The following DNM2 variants were observed in gnomAD, a reference collection of about 807,000 sequenced individuals.
DNM2 encodes the protein dynamin 2, also known as dynamin-2.
DNM2 carries 15 observed loss-of-function variants against 99.0 expected under a neutral mutation model. The ratio of observed to expected loss-of-function variants is 0.15; its 90% CI spans 0.10 to 0.23. The LOEUF is 0.23. Among genes scored for constraint, DNM2 ranks in the 10% least tolerant of loss-of-function variants. DNM2 has a pLI of 1.00. For missense variants in DNM2, 742 were observed against 1,189.4 expected (o/e 0.62, Z 5.53); for synonymous variants, 525 against 481.2 (o/e 1.09, Z -1.19).
At chr19:10,809,612 A>G (rs1288589678) in intron 14 of DNM2, 1 of 152,416 alleles carries the variant, frequency 6.6e-6, no homozygotes, top group African/African-American at 2.4e-5. Context: ...AACTGAACCC[A>G]GCTCAAGGAG....
At chr19:10,786,813 C>G (rs1455457808) in intron 7 of DNM2, 107 bp downstream of exon 7, 5 of 1,560,772 alleles carry the variant, frequency 3.2e-6, no homozygotes, top group Admixed American at 1.9e-5. Flanking sequence ...CTCATTGATT[C>G]AGCAGACACT....
chr19:10,799,830 A>G (rs1394314528), intron 11 of DNM2, among the ~76,000 whole-genome samples: 2 of 151,190 alleles, frequency 1.3e-5, no homozygotes, highest in Non-Finnish European at 2.9e-5. Context: ...TACCACGCCC[A>G]GCCTGCTTTT....
intron 5 of DNM2, chr19:10,780,332 G>A (rs2071325564): frequency 6.5e-6 from 1 of 152,806 alleles, no homozygotes; most frequent in South Asian, 2.1e-4. Context: ...CCCTACTACA[G>A]CCACCCCGAC....
intron 1 of DNM2, among the ~76,000 whole-genome samples, chr19:10,752,915 C>T (rs541913116): frequency 5.9e-5 from 9 of 152,246 alleles, no homozygotes; most frequent in Admixed American, 5.9e-4. Context: ...CATTGCACTC[C>T]AGCCTGGGTG....
At chr19:10,769,806 T>A (rs2070917469) in intron 2 of DNM2, among the ~76,000 whole-genome samples, 1 of 152,168 alleles carries the variant, frequency 6.6e-6, no homozygotes, top group Non-Finnish European at 1.5e-5. Flanking sequence ...ATTGCCCTGA[T>A]CTGGGTGGCC....
intron 1 of DNM2, among the ~76,000 whole-genome samples, chr19:10,744,108 A>C (rs1290961765): frequency 1.3e-5 from 2 of 152,084 alleles, no homozygotes; most frequent in Non-Finnish European, 2.9e-5. Context: ...CAATGAGCCA[A>C]GATCCTGCCA....
At position 10,759,609 on chromosome 19, in the gene DNM2, A is replaced by G. The variant is rs1436747542; in HGVS notation, c.162-129A>G. On this transcript the variant is annotated intron_variant, in intron 1 of 20. Transcript: ENST00000389253. Reference sequence around the variant, plus strand: ...AAGACCAGAGCATTCCCCAGGGCCCAGCTGGGGTTGGTGCCTTTGCTGAGG... The same window carrying G: ...AAGACCAGAGCATTCCCCAGGGCCCGGCTGGGGTTGGTGCCTTTGCTGAGG... 3.7e-6 allele frequency: 4 copies of G among 1,072,614 alleles called. No individual in the cohort carries two copies. In the East Asian group the frequency reaches 7.1e-5, roughly 19 times the overall value. 66.4% of individuals were successfully genotyped at this position (1,072,614 alleles called of 1,614,324 possible). A position where few individuals can be genotyped will look rare whatever the true frequency, so the allele number is the denominator to read the frequency against.
At position 10,820,859 on chromosome 19, in the gene DNM2, C is replaced by A. The variant is rs907231924; in HGVS notation, c.1781+770C>A. On this transcript the variant is annotated intron_variant, in intron 16 of 20. Transcript: ENST00000389253. This position sits in a 1 kb window ranked among gnomAD's most constrained non-coding sequence, Gnocchi z 4.3. The stretch of plus-strand genomic sequence containing the variant: ...AGAGTGAAGCTGGAGAATGGGAGGC[C>A]CCAGGAAGCTCACAGTACATCTGTC... Among the ~76,000 whole-genome samples the A allele has an allele frequency of 1.1e-4, 17 of 152,200 alleles. 1 individual carries two copies. The highest frequency in any genetic ancestry group is 3.9e-4 in the African/African-American group (16 of 41,450).
chr19:10,819,677 G>A (rs1027885788), intron 15 of DNM2, among the ~76,000 whole-genome samples: 1 of 152,174 alleles, frequency 6.6e-6, no homozygotes, highest in Non-Finnish European at 1.5e-5. Flanking sequence ...TGGAGGTGGG[G>A]AGGGTGCGGG....
intron 17 of DNM2, chr19:10,824,815 A>G (rs1352753133): frequency 8.7e-6 from 5 of 573,920 alleles, no homozygotes; most frequent in African/African-American, 7.5e-5. Context: ...TCAAAAAAAA[A>G]CAAAACAAAA....
intron 1 of DNM2, among the ~76,000 whole-genome samples, chr19:10,749,217 G>A (rs2070106564): frequency 6.6e-6 from 1 of 152,188 alleles, no homozygotes; most frequent in African/African-American, 2.4e-5. Context: ...GTTTGAGCCT[G>A]CATCGTTCCT....
chr19:10,831,745 G>T lies in DNM2; in HGVS notation c.*698G>T. ...TGGGTGGTGGTGGCGGGGGGTCTTG[G>T]GGGCCTCTCAGCTCCCGCCCATGCC... On this transcript the variant is annotated 3_prime_UTR_variant, in exon 21 of 21. Coordinates refer to ENST00000389253, the MANE Select transcript of DNM2 (RefSeq NM_001005361.3). This position sits in a 1 kb window ranked among gnomAD's most constrained non-coding sequence, Gnocchi z 4.3. 3 of 986,490 alleles carry T rather than the reference G, an allele frequency of 3.0e-6. No homozygotes were observed. Among genetic ancestry groups the T allele is most frequent in the Non-Finnish European group, 3.6e-6 (3 of 830,526 alleles). The allele number at this position is 986,490 out of a possible 1,614,324, so 61.1% of individuals were successfully genotyped here.
intron 15 of DNM2, among the ~76,000 whole-genome samples, chr19:10,819,540 C>T (rs1385323627): frequency 6.6e-6 from 1 of 152,202 alleles, no homozygotes; most frequent in African/African-American, 2.4e-5. Context: ...CAACAGGAGT[C>T]CCTGCCCTGG....
intron 2 of DNM2, among the ~76,000 whole-genome samples, chr19:10,769,105 T>G (rs1243786066): frequency 1.3e-5 from 2 of 152,300 alleles, no homozygotes; most frequent in East Asian, 3.9e-4. Context: ...ACATCATTCC[T>G]TGGGGACTTC....
chr19:10,831,784 G>T lies in DNM2; in HGVS notation c.*737G>T, dbSNP rs2073353519. 1 of 986,826 alleles carries T rather than the reference G, an allele frequency of 1.0e-6. No homozygotes were observed. Among genetic ancestry groups the T allele is most frequent in the Non-Finnish European group, 1.2e-6 (1 of 830,712 alleles). 61.1% of individuals were successfully genotyped at this position (986,826 alleles called of 1,614,324 possible). On this transcript the variant is annotated 3_prime_UTR_variant, in exon 21 of 21. Transcript: ENST00000389253. The surrounding 1 kb of genome is among the most constrained non-coding windows in gnomAD (Gnocchi z 4.3). ...CCCGCCCATGCCTCCCTGATGGGTG[G>T]GCCCAGGGCGGCCTCTCTCTGAGGA...
At chr19:10,752,415 C>T (rs1248801893) in intron 1 of DNM2, among the ~76,000 whole-genome samples, 1 of 152,230 alleles carries the variant, frequency 6.6e-6, no homozygotes, top group Non-Finnish European at 1.5e-5. Context: ...TGTGATTGTC[C>T]GTTGTCTGAG....
At chr19:10,773,624 T>A (rs1234217265) in intron 3 of DNM2, among the ~76,000 whole-genome samples, 1 of 151,692 alleles carries the variant, frequency 6.6e-6, no homozygotes, top group Non-Finnish European at 1.5e-5. Flanking sequence ...AATTTTTTTT[T>A]TATTTTTTAT....
rs1295086332 is a variant in DNM2 at position 10,830,787 on chromosome 19, G to A, written c.2544-191G>A. ...CAGGGAGGGCAGGGGGCTCACTGAG[G>A]GTCAAACAGCAGGCGAGTTGATGCC... On this transcript the variant is annotated intron_variant, in intron 20 of 20. Coordinates refer to ENST00000389253, the MANE Select transcript of DNM2 (RefSeq NM_001005361.3). The surrounding 1 kb of genome is among the most constrained non-coding windows in gnomAD (Gnocchi z 4.8). Among the ~76,000 whole-genome samples, 2 of 152,140 alleles carry A rather than the reference G, an allele frequency of 1.3e-5. No homozygotes were observed. The highest frequency in any genetic ancestry group is 2.4e-5 in the African/African-American group (1 of 41,428).
At chr19:10,748,996 G>C (rs1247408710) in intron 1 of DNM2, among the ~76,000 whole-genome samples, 1 of 152,186 alleles carries the variant, frequency 6.6e-6, no homozygotes, top group Non-Finnish European at 1.5e-5. Flanking sequence ...TGTCACGTGA[G>C]CCCTCCCAGC....
Sources: gnomAD v4.1 joint callset for allele counts (sites outside exome capture counted in the v4.1 genomes callset) on GRCh38, gnomAD v4.1.1 for gene constraint, Gnocchi (gnomAD v3.1) non-coding constraint, MANE v1.5 for transcripts, NCBI Gene and HGNC (gene_info 2026-07-23, HGNC 2026-07-21) for gene names.